Variants in ZHX3 observed in about 807,000 individuals in gnomAD.
ZHX3 encodes the protein zinc fingers and homeoboxes protein 3.
Under a neutral mutation model 64.5 loss-of-function variants are expected in ZHX3, and 20 were observed. That is an observed-to-expected ratio of 0.31 (90% CI 0.22 to 0.45). The LOEUF (loss-of-function observed/expected upper bound fraction) is 0.45. Ranked by LOEUF, ZHX3 falls within the 20% of genes least tolerant of loss-of-function variation. ZHX3 has a pLI of 1.00. For synonymous variants in ZHX3, 423 were observed against 461.6 expected (o/e 0.92, Z 1.07); for missense variants, 1,041 against 1,195.8 (o/e 0.87, Z 1.91).
chr20:41,263,516 T>G (rs2042668879), intron 2 of ZHX3, among the ~76,000 whole-genome samples: 1 of 151,604 alleles, frequency 6.6e-6, no homozygotes, highest in Admixed American at 6.6e-5. Context: ...TGCCTCAGCC[T>G]CCAGAGTAGC....
At chr20:41,191,032 A>G (rs919778418) in intron 3 of ZHX3, among the ~76,000 whole-genome samples, 4 of 152,226 alleles carry the variant, frequency 2.6e-5, no homozygotes, top group African/African-American at 9.6e-5. Flanking sequence ...GTATCCATTT[A>G]GAGGCTATCA....
intron 2 of ZHX3, among the ~76,000 whole-genome samples, chr20:41,225,114 G>A (rs891868118): frequency 3.9e-5 from 6 of 152,230 alleles, no homozygotes; most frequent in Admixed American, 2.6e-4. Context: ...ACATCAGACA[G>A]AGCCCTAACA....
chr20:41,282,637 C>T (rs1299682892), intron 1 of ZHX3, among the ~76,000 whole-genome samples: 6 of 152,252 alleles, frequency 3.9e-5, no homozygotes, highest in Admixed American at 2.0e-4. Flanking sequence ...GGATTACAGG[C>T]GTAAGCCACC....
At position 41,228,549 on chromosome 20, in the gene ZHX3, TAGAC is replaced by T. The variant is rs2040410649; in HGVS notation, c.-150-23487_-150-23484del. Among the ~76,000 whole-genome samples the T allele has an allele frequency of 6.6e-6, 1 of 152,170 alleles. No homozygotes were observed. The highest frequency in any genetic ancestry group is 2.4e-5 in the African/African-American group (1 of 41,434). On this transcript the variant is annotated intron_variant, in intron 2 of 3. Coordinates refer to ENST00000683867, the MANE Select transcript of ZHX3 (RefSeq NM_001384317.1). The surrounding 1 kb of genome is among the most constrained non-coding windows in gnomAD (Gnocchi z 4.6). ...TGTCTGGTGAGGGCCTACTTCCTCA[TAGAC>T]AGACAACTTCCCACTGTCCTCACAT...
rs767086601 is a variant in ZHX3 at position 41,202,828 on chromosome 20, C to G, written c.2089G>C (p.Ala697Pro). Residue 697 changes from alanine to proline, a missense_variant, in exon 3 of 4, where the codon GCC becomes CCC. Coordinates refer to ENST00000683867, the MANE Select transcript of ZHX3 (RefSeq NM_001384317.1). This position sits in a 1 kb window ranked among gnomAD's most constrained non-coding sequence, Gnocchi z 7.0. ...TCACCAGAGACCCTTAGCTCACTGG[C>G]CAAATCCTCTTCTCCACCCTCATCC... ...AEDEGGEEDL[A>P]SELRVSGENG... The G allele has an allele frequency of 1.2e-6, 2 of 1,614,156 alleles. No individual in the cohort carries two copies. The highest frequency in any genetic ancestry group is 1.7e-6 in the Non-Finnish European group (2 of 1,180,030).
At position 41,178,952 on chromosome 20, in the gene ZHX3, A is replaced by G. The variant is rs1002939709; in HGVS notation, c.*6239T>C. The G allele has an allele frequency of 3.3e-5, 5 of 152,652 alleles. No individual in the cohort carries two copies. The highest frequency in any genetic ancestry group is 1.2e-4 in the African/African-American group (5 of 41,446). 9.5% of individuals were successfully genotyped at this position (152,652 alleles called of 1,614,324 possible). On this transcript the variant is annotated 3_prime_UTR_variant, in exon 4 of 4. Transcript: ENST00000683867. ...CTTTTCAGCCATCTCTCCTGACAGC[A>G]GACTGCTCAACAGTCACTCCCCAGT...
At chr20:41,302,154 C>T (rs2044843417) in intron 1 of ZHX3, among the ~76,000 whole-genome samples, 1 of 151,748 alleles carries the variant, frequency 6.6e-6, no homozygotes, top group African/African-American at 2.4e-5. Context: ...TCTTCAGAGC[C>T]CAGGTTTTCC....
intron 2 of ZHX3, among the ~76,000 whole-genome samples, chr20:41,266,646 C>G (rs1201591862): frequency 6.6e-6 from 1 of 150,502 alleles, no homozygotes; most frequent in African/African-American, 2.4e-5. Context: ...CCCAGGTTCA[C>G]GCCATTCTCC....
At position 41,202,971 on chromosome 20, in the gene ZHX3, G is replaced by A. The variant is rs1568813319; in HGVS notation, c.1946C>T (p.Thr649Ile). 2 of 1,614,058 alleles carry A rather than the reference G, an allele frequency of 1.2e-6. No individual in the cohort carries two copies. Among genetic ancestry groups the A allele is most frequent in the African/African-American group, 2.7e-5 (2 of 74,992 alleles). Reference protein sequence around the residue: ...DEELDRLRSETKMTRREIDSW... With the variant: ...DEELDRLRSEIKMTRREIDSW... Reference sequence around the variant, plus strand: ...ATCAATTTCTCGTCGGGTCATTTTGGTTTCACTTCTCAGGCGGTCCAGTTC... The same window carrying A: ...ATCAATTTCTCGTCGGGTCATTTTGATTTCACTTCTCAGGCGGTCCAGTTC... The change falls in exon 3 of 4, where the codon ACC becomes ATC. Residue 649 changes from threonine (T) to isoleucine (I), a missense_variant. Thr to Ile is a moderately conservative substitution (Grantham distance 89). Transcript: ENST00000683867. The surrounding 1 kb of genome is among the most constrained non-coding windows in gnomAD (Gnocchi z 7.0).
chr20:41,310,300 A>G (rs1275362907), intron 1 of ZHX3, among the ~76,000 whole-genome samples: 2 of 152,176 alleles, frequency 1.3e-5, no homozygotes, highest in Admixed American at 6.5e-5. Flanking sequence ...TCTCAGGTTC[A>G]TTACCCACTC....
At chr20:41,194,204 TTGAG>T (rs1276606403) in intron 3 of ZHX3, among the ~76,000 whole-genome samples, 13 of 152,212 alleles carry the variant, frequency 8.5e-5, no homozygotes, top group African/African-American at 3.1e-4. Flanking sequence ...TTCCCCATTG[TTGAG>T]TATGATGTTA....
intron 1 of ZHX3, among the ~76,000 whole-genome samples, chr20:41,314,127 G>A (rs1260219795): frequency 1.3e-5 from 2 of 152,078 alleles, no homozygotes; most frequent in African/African-American, 4.8e-5. Flanking sequence ...AAAAGCTTAC[G>A]CTCACATTAC....
intron 2 of ZHX3, among the ~76,000 whole-genome samples, chr20:41,262,762 T>C (rs1600549059): frequency 6.6e-6 from 1 of 151,756 alleles, no homozygotes; most frequent in East Asian, 1.9e-4. Context: ...AAAATACTTA[T>C]GAGTACCAGG....
In ZHX3 at chr20:41,204,453, A is replaced by T. The variant is rs373399595; in HGVS notation, c.464T>A (p.Ile155Asn). ...PDNHVVVEQSIPESTSTPDLA... is the reference protein window; with the variant it reads ...PDNHVVVEQSNPESTSTPDLA... ...GTCAGGAGTGCTGGTGCTCTCAGGG[A>T]TGCTCTGCTCCACAACCACATGATT... The change falls in exon 3 of 4, where the codon ATC becomes AAC. Residue 155 changes from isoleucine (I) to asparagine (N), a missense_variant. Ile to Asn is a moderately radical substitution (Grantham distance 149). This residue lies in a region of ZHX3 where 358 missense variants were observed against 369.1 expected (regional missense o/e 0.97). Coordinates refer to ENST00000683867, the MANE Select transcript of ZHX3 (RefSeq NM_001384317.1). This position sits in a 1 kb window ranked among gnomAD's most constrained non-coding sequence, Gnocchi z 6.6. The T allele has an allele frequency of 1.9e-6, 3 of 1,614,160 alleles. No homozygotes were observed. Among genetic ancestry groups the T allele is most frequent in the Non-Finnish European group, 1.7e-6 (2 of 1,180,036 alleles).
intron 1 of ZHX3, among the ~76,000 whole-genome samples, chr20:41,302,141 A>AAG (rs1260037674): frequency 6.6e-6 from 1 of 150,496 alleles, no homozygotes; most frequent in East Asian, 1.9e-4. Context: ...CCTCAAATCA[A>AAG]CTTCTTCAGA....
Position 41,180,444 on chromosome 20 carries a change from G to A in ZHX3, c.*4747C>T, listed in dbSNP as rs2036206972. On this transcript the variant is annotated 3_prime_UTR_variant, in exon 4 of 4. Coordinates refer to ENST00000683867, the MANE Select transcript of ZHX3 (RefSeq NM_001384317.1). ...TTCCCTCCCCTGCTCTAGACTTCAGGGCAGTTAGAATGGATGACTCTGCTG... is the reference window on the plus strand; with the variant it reads ...TTCCCTCCCCTGCTCTAGACTTCAGAGCAGTTAGAATGGATGACTCTGCTG... The A allele has an allele frequency of 1.3e-5, 2 of 152,270 alleles. No individual in the cohort carries two copies. Among genetic ancestry groups the A allele is most frequent in the African/African-American group, 4.8e-5 (2 of 41,432 alleles). The allele number at this position is 152,270 out of a possible 1,614,324, so 9.4% of individuals were successfully genotyped here.
chr20:41,303,311 T>C (rs573977455), intron 1 of ZHX3, among the ~76,000 whole-genome samples: 1 of 152,170 alleles, frequency 6.6e-6, no homozygotes, highest in Non-Finnish European at 1.5e-5. Context: ...ACAAAAAGGA[T>C]AGGTAGTCTA....
chr20:41,193,449 A>C (rs1393508200), intron 3 of ZHX3, among the ~76,000 whole-genome samples: 2 of 152,016 alleles, frequency 1.3e-5, no homozygotes, highest in African/African-American at 2.4e-5. Flanking sequence ...TTTTCTTTTC[A>C]GATTGTTCAT....
intron 2 of ZHX3, among the ~76,000 whole-genome samples, chr20:41,218,717 A>G (rs1236707631): frequency 6.6e-6 from 1 of 152,158 alleles, no homozygotes. Context: ...GCTGGTTGCA[A>G]TTGTCAGATT....
Sources: allele counts gnomAD v4.1 joint callset (sites outside exome capture counted in the v4.1 genomes callset), GRCh38; gene constraint gnomAD v4.1.1; regional missense constraint gnomAD v4.1.1; non-coding constraint Gnocchi (gnomAD v3.1); transcripts MANE v1.5; gene names NCBI Gene and HGNC (gene_info 2026-07-23, HGNC 2026-07-21).